Variants in GBP5 observed in about 807,000 individuals in gnomAD.
The protein encoded by GBP5 is guanylate-binding protein 5.
GBP5 carries 48 observed loss-of-function variants against 58.2 expected under a neutral mutation model. The ratio of observed to expected loss-of-function variants is 0.83; its 90% confidence interval spans 0.65 to 1.05. The LOEUF (loss-of-function observed/expected upper bound fraction) is 1.05. Among genes scored for constraint, GBP5 ranks in the 50% least tolerant of loss-of-function variants. The probability of loss-of-function intolerance (pLI) is 0.00; values close to 1 mark genes in which losing one functional copy is unlikely to be tolerated. For synonymous variants in GBP5, 248 were observed against 251.8 expected (o/e 0.98, Z 0.14); for missense variants, 714 against 686.8 (o/e 1.04, Z -0.44).
Position 89,259,582 on chromosome 1 carries a change from G to A in GBP5, c.*1122C>T, listed in dbSNP as rs562575281. Reference sequence around the variant, plus strand: ...CCCAGACTTTGGTCAAGTTCCTTCCGACTGAGCCCAGTTAGGGACACCCTG... The same window carrying A: ...CCCAGACTTTGGTCAAGTTCCTTCCAACTGAGCCCAGTTAGGGACACCCTG... On this transcript the variant is annotated 3_prime_UTR_variant, in exon 12 of 12. Transcript: ENST00000370459. 9.9e-5 allele frequency: 15 copies of A among 152,214 alleles called. No homozygotes were observed. Among genetic ancestry groups the A allele is most frequent in the African/African-American group, 3.4e-4 (14 of 41,508 alleles). 9.4% of individuals were successfully genotyped at this position (152,214 alleles called of 1,614,324 possible).
chr1:89,267,076 G>A lies in GBP5; in HGVS notation c.506C>T (p.Ser169Phe). The A allele has an allele frequency of 6.2e-7, 1 of 1,613,466 alleles. No homozygotes were observed. Among genetic ancestry groups the A allele is most frequent in the Non-Finnish European group, 8.5e-7 (1 of 1,179,860 alleles). ...CACTAAGTCTGGGAAGAAGCTCGCA[G>A]AGTCAGCAGGATCTTCAACCCTGTC... Reference protein sequence around the residue: ...DLDRVEDPADSASFFPDLVWT... With the variant: ...DLDRVEDPADFASFFPDLVWT... Residue 169 changes from serine to phenylalanine, a missense_variant, in exon 6 of 12, where the codon TCT (serine) becomes TTT (phenylalanine). Ser to Phe is a radical substitution (Grantham distance 155). Transcript: ENST00000370459.
rs564010926 is a variant in GBP5 at position 89,256,366 on chromosome 1, G to T, written c.*4338C>A. Reference sequence around the variant, plus strand: ...GTTGTGAAAGTTGTGATATTAGTTGGCTCTAGCAGGGTTGTCAGAAGTTGT... The same window carrying T: ...GTTGTGAAAGTTGTGATATTAGTTGTCTCTAGCAGGGTTGTCAGAAGTTGT... On this transcript the variant is annotated 3_prime_UTR_variant, in exon 12 of 12. Coordinates refer to ENST00000370459, the MANE Select transcript of GBP5 (RefSeq NM_052942.5). Among the ~76,000 whole-genome samples the T allele has an allele frequency of 6.6e-6, 1 of 152,270 alleles. No individual in the cohort carries two copies. The highest frequency in any genetic ancestry group is 6.5e-5 in the Admixed American group (1 of 15,294).
At position 89,272,662 on chromosome 1, in the gene GBP5, T is replaced by G. The variant is rs1367863582; in HGVS notation, c.-338A>C. 1 of 154,738 alleles carries G rather than the reference T, an allele frequency of 6.5e-6. No homozygotes were observed. The highest frequency in any genetic ancestry group is 1.4e-5 in the Non-Finnish European group (1 of 70,182). 9.6% of individuals were successfully genotyped at this position (154,738 alleles called of 1,614,324 possible). A position where few individuals can be genotyped will look rare whatever the true frequency, so the allele number is the denominator to read the frequency against. ...AGACCTTCGCGGTGAGTGTTACAGC[T>G]CTTAAGGCTGCGCGTCTGGAGTTGT... On this transcript the variant is annotated 5_prime_UTR_variant, in exon 1 of 12. Transcript: ENST00000370459.
chr1:89,266,403 T>C lies in GBP5; in HGVS notation c.811A>G (p.Ile271Val), dbSNP rs1439320041. Residue 271 changes from isoleucine to valine, a missense_variant, in exon 7 of 12, where the codon ATC becomes GTC. Coordinates refer to ENST00000370459, the MANE Select transcript of GBP5 (RefSeq NM_052942.5). ...GTCTTGGTCATAGAATGGCTAAAGA[T>C]GTAGGAACAGAATTCTGTCACTTGT... Reference protein sequence around the residue: ...VQQVTEFCSYIFSHSMTKTLP... With the variant: ...VQQVTEFCSYVFSHSMTKTLP... 3 of 1,613,872 alleles carry C rather than the reference T, an allele frequency of 1.9e-6. No individual in the cohort carries two copies. Among genetic ancestry groups the C allele is most frequent in the South Asian group, 1.1e-5 (1 of 91,076 alleles).
intron 9 of GBP5, 22 bp downstream of exon 9, chr1:89,263,714 C>T (rs1650096654): frequency 6.4e-7 from 1 of 1,562,584 alleles, no homozygotes. Context: ...CAATTCTCCA[C>T]AATAGGTAGA....
chr1:89,268,908 G>A (rs962114844), intron 3 of GBP5, 52 bp from the exon 4 acceptor site: 6 of 1,582,538 alleles, frequency 3.8e-6, no homozygotes, highest in Non-Finnish European at 5.2e-6. Context: ...GGAAATTGGG[G>A]ATTTGCTTGA....
intron 4 of GBP5, among the ~76,000 whole-genome samples, chr1:89,267,946 A>G (rs1650292218): frequency 6.6e-6 from 1 of 152,196 alleles, no homozygotes; most frequent in Admixed American, 6.5e-5. Flanking sequence ...TAGGTAAGGA[A>G]ACTGAGGCTC....
chr1:89,267,569 C>A (rs2100596065), intron 4 of GBP5, 43 bp from the exon 5 acceptor site: 1 of 1,174,676 alleles, frequency 8.5e-7, no homozygotes, highest in Non-Finnish European at 1.3e-6. Context: ...ATGGGATTCC[C>A]AGATGAGCGA....
Position 89,263,750 on chromosome 1 carries a change from G to C in GBP5, c.1348C>G (p.Arg450Gly). 6.2e-7 allele frequency: 1 copy of C among 1,612,504 alleles called. No individual in the cohort carries two copies. Among genetic ancestry groups the C allele is most frequent in the Non-Finnish European group, 8.5e-7 (1 of 1,178,842 alleles). Residue 450 changes from arginine to glycine, a missense_variant, in exon 9 of 12, where the codon CGG (arginine) becomes GGG (glycine). Coordinates refer to ENST00000370459, the MANE Select transcript of GBP5 (RefSeq NM_052942.5). ...ELKAKYYREP[R>G]KGIQAEEVLQ... ...ACTAGGGATACCTGTATTCCTTTCC[G>C]AGGCTCCCGATAGTACTTTGCCTTC...
intron 5 of GBP5, 62 bp from the exon 6 acceptor site, chr1:89,267,215 C>A: frequency 7.3e-7 from 1 of 1,372,890 alleles, no homozygotes; most frequent in Admixed American, 2.3e-5. Context: ...TACTTAATTC[C>A]ATTTTCCCCC....
In GBP5 at chr1:89,266,934, T is replaced by C. The variant is rs567899470; in HGVS notation, c.625+23A>G. ...CTTAGATTACTTTTTTAAAAATCTT[T>C]CTAAAACTGAAGTCCCTGTTACCTT... On this transcript the variant is annotated intron_variant, in intron 6 of 11. Coordinates refer to ENST00000370459, the MANE Select transcript of GBP5 (RefSeq NM_052942.5). 1.5e-3 allele frequency: 2,285 copies of C among 1,531,600 alleles called. 47 individuals carry two copies. In the South Asian group the frequency reaches 0.028, roughly 19 times the overall value. 94.9% of individuals were successfully genotyped at this position (1,531,600 alleles called of 1,614,324 possible). A position where few individuals can be genotyped will look rare whatever the true frequency, so the allele number is the denominator to read the frequency against.
rs762692894 is a variant in GBP5 at position 89,260,850 on chromosome 1, C to T, written c.1648-33G>A. 1.0e-5 allele frequency: 15 copies of T among 1,471,236 alleles called. No individual in the cohort carries two copies. In the East Asian group the frequency reaches 3.4e-4, roughly 33 times the overall value. 91.1% of individuals were successfully genotyped at this position (1,471,236 alleles called of 1,614,324 possible). ...GTGATAAATAGAAAGTAAGATCAAG[C>T]TTCTTACTGATTGCCTAAATCACTC... On this transcript the variant is annotated intron_variant, in intron 11 of 11. Coordinates refer to ENST00000370459, the MANE Select transcript of GBP5 (RefSeq NM_052942.5).
intron 11 of GBP5, among the ~76,000 whole-genome samples, chr1:89,261,077 G>A (rs1169984210): frequency 6.6e-6 from 1 of 152,044 alleles, no homozygotes; most frequent in African/African-American, 2.4e-5. Flanking sequence ...TAAACCACAC[G>A]ATCTCCTTGG....
chr1:89,270,448 G>A (rs1017152101), intron 2 of GBP5: 5 of 152,172 alleles, frequency 3.3e-5, no homozygotes, highest in Admixed American at 1.3e-4. Flanking sequence ...CAATGAAAAG[G>A]TTTGGATTCT....
chr1:89,265,099 G>T, intron 7 of GBP5, 133 bp from the exon 8 acceptor site: 3 of 797,006 alleles, frequency 3.8e-6, no homozygotes, highest in African/African-American at 1.7e-5. Context: ...TAGTCAAGTG[G>T]CCCAAATAAG....
rs61734122 is a variant in GBP5 at position 89,264,872 on chromosome 1, C to T, written c.963G>A (p.Glu321=). Residue 321 remains glutamate, a synonymous_variant, in exon 8 of 12, where the codon GAG becomes GAA. Coordinates refer to ENST00000370459, the MANE Select transcript of GBP5 (RefSeq NM_052942.5). The part of the protein sequence containing the change: ...ENAVLALAQR[E]NSAAVQKAIA... ...TGGCCTTTTGCACTGCAGCTGAGTT[C>T]TCTCTCTGAGCCAAGGCCAGGACTG... The T allele has an allele frequency of 1.9e-5, 31 of 1,613,494 alleles. No homozygotes were observed. In the African/African-American group the frequency reaches 3.8e-4, roughly 20 times the overall value.
intron 7 of GBP5, 94 bp downstream of exon 7, chr1:89,266,252 A>G (rs1650206978): frequency 1.8e-6 from 2 of 1,087,146 alleles, no homozygotes; most frequent in Non-Finnish European, 2.7e-6. Context: ...TTGCCTATGC[A>G]TTTGTCAACA....
Position 89,268,015 on chromosome 1 carries a change from C to T in GBP5, c.319-489G>A, listed in dbSNP as rs572345259. Among the ~76,000 whole-genome samples, 8 of 152,226 alleles carry T rather than the reference C, an allele frequency of 5.3e-5. No individual in the cohort carries two copies. In the East Asian group the frequency reaches 1.5e-3, roughly 29 times the overall value. On this transcript the variant is annotated intron_variant, in intron 4 of 11. Coordinates refer to ENST00000370459, the MANE Select transcript of GBP5 (RefSeq NM_052942.5). ...ATCAAAAACAAAGACAAAAAACACA[C>T]ACACAGAAAAAAAACAATGGAAGTT...
chr1:89,270,661 C>G (rs535857073), intron 2 of GBP5, 94 bp downstream of exon 2: 3 of 152,272 alleles, frequency 2.0e-5, no homozygotes, highest in African/African-American at 7.2e-5. Context: ...CTAGTGCAAG[C>G]CTGACCCAGA....
Sources: allele counts gnomAD v4.1 joint callset (sites outside exome capture counted in the v4.1 genomes callset), GRCh38; gene constraint gnomAD v4.1.1; transcripts MANE v1.5; gene names NCBI Gene and HGNC (gene_info 2026-07-23, HGNC 2026-07-21).